Variants in SAE1 observed in about 807,000 individuals in gnomAD.
SAE1 encodes the protein SUMO1 activating enzyme subunit 1.
A neutral mutation model predicts 40.6 loss-of-function variants in SAE1; 11 were observed. The observed-to-expected ratio is 0.27, with a 90% CI of 0.17 to 0.45. SAE1 has a LOEUF of 0.45. Ranked by LOEUF, SAE1 falls within the 20% of genes least tolerant of loss-of-function variation. The pLI is 1.00. For missense variants in SAE1, 373 were observed against 427.3 expected, an observed-to-expected ratio of 0.87 and a Z score of 1.12; for synonymous variants, 155 against 154.3, an observed-to-expected ratio of 1.00 and a Z score of -0.03.
At chr19:47,143,081 A>T (rs1418343273) in intron 1 of SAE1, among the ~76,000 whole-genome samples, 2 of 152,052 alleles carry the variant, frequency 1.3e-5, no homozygotes, top group South Asian at 2.1e-4. Flanking sequence ...TCGAGGTGTG[A>T]TGCCTCAATG....
chr19:47,151,137 A>G (rs537060642), intron 3 of SAE1, among the ~76,000 whole-genome samples: 17 of 151,278 alleles, frequency 1.1e-4, no homozygotes, highest in African/African-American at 3.2e-4. Flanking sequence ...TGGGTTGGGT[A>G]GTTTTTTTTT....
rs775089318 is a variant in SAE1, at chr19:47,209,270, C to G, written c.*19C>G. 14 of 1,613,962 alleles carry G rather than the reference C, an allele frequency of 8.7e-6. No individual in the cohort carries two copies. The highest frequency in any genetic ancestry group is 1.2e-5 in the Non-Finnish European group (14 of 1,180,018). ...CAAGTGAACTCAAGATTTGGCAGCC[C>G]CAGAGATGCCAACTGCAGCATGCCC... On this transcript the variant is annotated 3_prime_UTR_variant, in exon 9 of 9. Transcript: ENST00000270225.
intron 2 of SAE1, among the ~76,000 whole-genome samples, chr19:47,149,461 G>A (rs947640259): frequency 6.6e-6 from 1 of 152,000 alleles, no homozygotes; most frequent in Non-Finnish European, 1.5e-5. Flanking sequence ...GTGAGCCACC[G>A]TGCCCTGCCC....
intron 1 of SAE1, among the ~76,000 whole-genome samples, chr19:47,136,450 A>G (rs898684988): frequency 2.0e-5 from 3 of 147,586 alleles, no homozygotes; most frequent in African/African-American, 7.5e-5. Context: ...ATTTATTTTC[A>G]TTTGGGTATA....
intron 6 of SAE1, among the ~76,000 whole-genome samples, chr19:47,184,951 C>A (rs1341896365): frequency 6.6e-6 from 1 of 151,758 alleles, no homozygotes; most frequent in Non-Finnish European, 1.5e-5. Context: ...CCCCAAGTAG[C>A]TGGAATTACA....
chr19:47,156,882 A>T (rs2058327700), intron 5 of SAE1, among the ~76,000 whole-genome samples: 1 of 152,190 alleles, frequency 6.6e-6, no homozygotes, highest in Non-Finnish European at 1.5e-5. Flanking sequence ...GGAATCTGAG[A>T]TGGGAACCAT....
intron 6 of SAE1, among the ~76,000 whole-genome samples, chr19:47,171,830 T>A (rs984477082): frequency 6.6e-6 from 1 of 151,444 alleles, no homozygotes; most frequent in African/African-American, 2.4e-5. Flanking sequence ...CTTGAACTCC[T>A]GACCCCAGGT....
At chr19:47,147,581 T>C (rs1288791224) in intron 2 of SAE1, among the ~76,000 whole-genome samples, 1 of 151,318 alleles carries the variant, frequency 6.6e-6, no homozygotes, top group Non-Finnish European at 1.5e-5. Flanking sequence ...GCCTCCCAAG[T>C]AGCTAGGATT....
intron 2 of SAE1, among the ~76,000 whole-genome samples, chr19:47,147,288 C>G (rs2058260650): frequency 7.0e-6 from 1 of 143,596 alleles, no homozygotes; most frequent in Non-Finnish European, 1.5e-5. Context: ...CTCACTGTAG[C>G]CTTAACTTCC....
At chr19:47,177,061 A>C (rs1458275354) in intron 6 of SAE1, among the ~76,000 whole-genome samples, 1 of 152,220 alleles carries the variant, frequency 6.6e-6, no homozygotes, top group Non-Finnish European at 1.5e-5. Context: ...TCTCAAGATG[A>C]GAATACTTAT....
chr19:47,158,926 T>C (rs902635980), intron 5 of SAE1, among the ~76,000 whole-genome samples: 2 of 152,128 alleles, frequency 1.3e-5, no homozygotes, highest in Non-Finnish European at 2.9e-5. Context: ...AGGAGGATGG[T>C]GGGATAAAAT....
chr19:47,176,468 G>T (rs1028707611), intron 6 of SAE1, among the ~76,000 whole-genome samples: 9 of 152,180 alleles, frequency 5.9e-5, no homozygotes, highest in African/African-American at 2.2e-4. Flanking sequence ...CATAGTAGGT[G>T]CTCAATAAAT....
chr19:47,150,095 A>T (rs987873236), intron 2 of SAE1, 107 bp from the exon 3 acceptor site: 10 of 696,694 alleles, frequency 1.4e-5, no homozygotes, highest in Admixed American at 3.7e-5. Flanking sequence ...AAAAAAAAAA[A>T]TTTAGGTGGT....
chr19:47,171,505 G>T (rs139043112), intron 6 of SAE1, among the ~76,000 whole-genome samples: 1 of 152,154 alleles, frequency 6.6e-6, no homozygotes, highest in Non-Finnish European at 1.5e-5. Flanking sequence ...GCCCAGGAGA[G>T]CAGTGGCGTG....
rs1453287670 is a variant in SAE1 at position 47,147,598 on chromosome 19, G to A, written c.211-2604G>A. Among the ~76,000 whole-genome samples the A allele has an allele frequency of 1.5e-4, 22 of 151,448 alleles. 1 individual carries two copies. Among genetic ancestry groups the A allele is most frequent in the African/African-American group, 4.8e-4 (20 of 41,282 alleles). On this transcript the variant is annotated intron_variant, in intron 2 of 8. Transcript: ENST00000270225. ...CTCCCAAGTAGCTAGGATTACAGGC[G>A]TGTGCCACCACACCCGGCTAATTTT...
intron 5 of SAE1, among the ~76,000 whole-genome samples, chr19:47,160,354 T>C (rs897205899): frequency 4.7e-5 from 7 of 149,788 alleles, no homozygotes; most frequent in Non-Finnish European, 1.0e-4. Flanking sequence ...TCCGAGTAGC[T>C]GGAACTACAG....
chr19:47,179,257 G>A (rs1029316537), intron 6 of SAE1, among the ~76,000 whole-genome samples: 84 of 151,526 alleles, frequency 5.5e-4, no homozygotes, highest in African/African-American at 2.0e-3. Context: ...TGTAATCCTA[G>A]CACTTTGGGA....
intron 6 of SAE1, among the ~76,000 whole-genome samples, chr19:47,180,678 C>A (rs908372015): frequency 6.6e-6 from 1 of 152,004 alleles, no homozygotes; most frequent in Non-Finnish European, 1.5e-5. Context: ...AAAAAGTTAG[C>A]CAGATACAGT....
At chr19:47,175,365 A>C (rs766635362) in intron 6 of SAE1, among the ~76,000 whole-genome samples, 14 of 152,162 alleles carry the variant, frequency 9.2e-5, no homozygotes, top group Non-Finnish European at 1.9e-4. Context: ...CGAAAGTCAT[A>C]TCCGTGGTTT....
Sources: allele counts gnomAD v4.1 joint callset (sites outside exome capture counted in the v4.1 genomes callset), GRCh38; gene constraint gnomAD v4.1.1; transcripts MANE v1.5; gene names NCBI Gene and HGNC (gene_info 2026-07-23, HGNC 2026-07-21).